MIPOL1: variants seen among roughly 807,000 people sequenced by gnomAD.
MIPOL1 encodes mirror-image polydactyly 1.
In MIPOL1, 57 loss-of-function variants were observed where a neutral mutation model predicts 60.9. The ratio of observed to expected loss-of-function variants is 0.94; its 90% CI spans 0.76 to 1.17. The LOEUF is 1.17. Ranked by LOEUF, MIPOL1 falls within the 50% of genes most tolerant of loss-of-function variation. MIPOL1 has a pLI of 0.00. For synonymous variants in MIPOL1, 179 were observed against 168.8 expected (o/e 1.06, Z -0.47); for missense variants, 551 against 511.6 (o/e 1.08, Z -0.74).
At chr14:37,371,601 A>G (rs1337381646) in intron 10 of MIPOL1, among the ~76,000 whole-genome samples, 2 of 152,072 alleles carry the variant, frequency 1.3e-5, no homozygotes, top group African/African-American at 2.4e-5. Flanking sequence ...AAACTCATCA[A>G]CTCAATCTTT....
At chr14:37,278,654 A>G (rs1482521117) in intron 6 of MIPOL1, 4 of 151,986 alleles carry the variant, frequency 2.6e-5, no homozygotes, top group Middle Eastern at 3.4e-3. Context: ...AGATGTTAAC[A>G]GATGGATTCT....
chr14:37,408,545 G>A (rs1318298817), intron 10 of MIPOL1, among the ~76,000 whole-genome samples: 3 of 152,120 alleles, frequency 2.0e-5, no homozygotes, highest in Non-Finnish European at 2.9e-5. Flanking sequence ...TTGCAGGATC[G>A]TTGAGCCCCA....
intron 2 of MIPOL1, among the ~76,000 whole-genome samples, chr14:37,247,544 A>G (rs1973376738): frequency 6.6e-6 from 1 of 151,672 alleles, no homozygotes; most frequent in African/African-American, 2.4e-5. Context: ...TTGTAGTTGA[A>G]GAAGATTTCA....
At chr14:37,416,116 T>A (rs2093764583) in intron 10 of MIPOL1, among the ~76,000 whole-genome samples, 1 of 152,232 alleles carries the variant, frequency 6.6e-6, no homozygotes, top group Non-Finnish European at 1.5e-5. Flanking sequence ...ATAAGTCTTA[T>A]ACGTCACACA....
At chr14:37,261,983 G>T (rs1165849576) in intron 3 of MIPOL1, among the ~76,000 whole-genome samples, 3 of 151,858 alleles carry the variant, frequency 2.0e-5, no homozygotes, top group Non-Finnish European at 4.4e-5. Flanking sequence ...CTTTTATCTT[G>T]TACACACATA....
intron 10 of MIPOL1, among the ~76,000 whole-genome samples, chr14:37,413,885 T>C (rs770311607): frequency 1.3e-5 from 2 of 152,128 alleles, no homozygotes; most frequent in African/African-American, 4.8e-5. Context: ...CCTGCAACAA[T>C]GCGGGGGAGT....
chr14:37,317,719 A>G (rs113665321), intron 9 of MIPOL1, among the ~76,000 whole-genome samples: 1,874 of 152,334 alleles, frequency 0.012, 14 homozygotes, highest in Middle Eastern at 0.031. Context: ...ATTTGCAGTC[A>G]AGAGAAAAAG....
At chr14:37,528,679 G>A (rs1209891779) in intron 12 of MIPOL1, among the ~76,000 whole-genome samples, 1 of 152,082 alleles carries the variant, frequency 6.6e-6, no homozygotes, top group Non-Finnish European at 1.5e-5. Flanking sequence ...TATAGTAATA[G>A]CTAGAATTTA....
At chr14:37,475,192 T>C (rs1021236278) in intron 11 of MIPOL1, among the ~76,000 whole-genome samples, 1 of 152,168 alleles carries the variant, frequency 6.6e-6, no homozygotes, top group African/African-American at 2.4e-5. Flanking sequence ...CTTGAACTCC[T>C]GACCTCAAGT....
intron 12 of MIPOL1, among the ~76,000 whole-genome samples, chr14:37,500,648 A>G (rs1242904758): frequency 1.3e-5 from 2 of 152,186 alleles, no homozygotes; most frequent in Admixed American, 1.3e-4. Context: ...TTTATTTTGA[A>G]TGATCTTTGC....
chr14:37,229,662 C>T (rs867786082), intron 1 of MIPOL1, among the ~76,000 whole-genome samples: 10 of 152,066 alleles, frequency 6.6e-5, no homozygotes, highest in Admixed American at 4.6e-4. Context: ...AAATCTGTTA[C>T]GGTCACTACT....
At chr14:37,335,544 C>T (rs948167192) in intron 9 of MIPOL1, among the ~76,000 whole-genome samples, 2 of 152,016 alleles carry the variant, frequency 1.3e-5, no homozygotes, top group Admixed American at 6.6e-5. Flanking sequence ...TTTCATAATG[C>T]ACAATGTCAT....
At chr14:37,381,188 C>G (rs1270005237) in intron 10 of MIPOL1, among the ~76,000 whole-genome samples, 229 of 152,162 alleles carry the variant, frequency 1.5e-3, no homozygotes, top group Non-Finnish European at 1.5e-4. Flanking sequence ...TAGGCCTTTC[C>G]TATCTCTGCC....
rs3062719 is a variant in MIPOL1, at chr14:37,481,560, A to AACACACACACAC, written c.1032-18307_1032-18296dup. Among the ~76,000 whole-genome samples the AACACACACACAC allele has an allele frequency of 5.8e-3, 660 of 113,182 alleles. 18 individuals are homozygous for AACACACACACAC. The highest frequency in any genetic ancestry group is 0.011 in the African/African-American group (302 of 27,660). 74.3% of individuals were successfully genotyped at this position (113,182 alleles called of 152,430 possible). ...CATGGAACTCATATGGACCCCCCCC[A>AACACACACACAC]ACACACACACACACACACACACACA... On this transcript the variant is annotated intron_variant, in intron 11 of 12. Transcript: ENST00000684589.
chr14:37,504,398 A>C (rs997423577), intron 12 of MIPOL1: 4 of 152,074 alleles, frequency 2.6e-5, no homozygotes, highest in Non-Finnish European at 4.4e-5. Flanking sequence ...GAAATCACAA[A>C]AAACTGTCTC....
At chr14:37,403,608 A>G (rs1330694485) in intron 10 of MIPOL1, among the ~76,000 whole-genome samples, 1 of 151,780 alleles carries the variant, frequency 6.6e-6, no homozygotes, top group African/African-American at 2.4e-5. Context: ...AGACACCCAT[A>G]ATACTTTAGT....
At chr14:37,376,864 C>T (rs1004156313) in intron 10 of MIPOL1, among the ~76,000 whole-genome samples, 2 of 152,164 alleles carry the variant, frequency 1.3e-5, no homozygotes, top group African/African-American at 4.8e-5. Context: ...TGCCAATTGT[C>T]TTCCAAGATA....
At chr14:37,219,648 G>A (rs1375292071) in intron 1 of MIPOL1, 1 of 152,276 alleles carries the variant, frequency 6.6e-6, no homozygotes, top group African/African-American at 2.4e-5. Context: ...AATTACAGGT[G>A]TGAATCACTG....
intron 11 of MIPOL1, among the ~76,000 whole-genome samples, chr14:37,484,069 T>C (rs960242805): frequency 6.6e-6 from 1 of 152,214 alleles, no homozygotes; most frequent in South Asian, 2.1e-4. Flanking sequence ...GTAGTATATA[T>C]ATCCAATGCA....
Sources: allele counts gnomAD v4.1 joint callset (sites outside exome capture counted in the v4.1 genomes callset), GRCh38; gene constraint gnomAD v4.1.1; transcripts MANE v1.5; gene names NCBI Gene and HGNC (gene_info 2026-07-23, HGNC 2026-07-21).